The following MBD5 variants were observed in gnomAD, a reference collection of about 807,000 sequenced individuals.
MBD5 encodes the protein methyl-CpG-binding domain protein 5.
MBD5 carries 13 observed loss-of-function variants against 117.3 expected under a neutral mutation model. The observed-to-expected ratio is 0.11, with a 90% CI of 0.07 to 0.18. The LOEUF (loss-of-function observed/expected upper bound fraction) is 0.18, where lower values mean the gene tolerates loss of function less well. Among genes scored for constraint, MBD5 ranks in the 10% least tolerant of loss-of-function variants. The pLI, the probability that MBD5 is intolerant of heterozygous loss-of-function variation, is 1.00. For missense variants in MBD5, 1,879 were observed against 2,093.8 expected (o/e 0.90, Z 2.00); for synonymous variants, 727 against 766.4 (o/e 0.95, Z 0.85).
intron 2 of MBD5, among the ~76,000 whole-genome samples, chr2:148,222,568 G>A (rs1699716189): frequency 6.6e-6 from 1 of 151,788 alleles, no homozygotes; most frequent in Admixed American, 6.6e-5. Context: ...GTTCACTGTT[G>A]CATTTTGAAA....
At chr2:148,428,089 GA>G (rs781256849) in intron 4 of MBD5, among the ~76,000 whole-genome samples, 30 of 152,148 alleles carry the variant, frequency 2.0e-4, no homozygotes, top group Non-Finnish European at 3.8e-4. Context: ...TGTGTATTTA[GA>G]AAAGCCCATC....
chr2:148,345,394 T>A (rs1247205292), intron 4 of MBD5, among the ~76,000 whole-genome samples: 3 of 100,358 alleles, frequency 3.0e-5, no homozygotes, highest in African/African-American at 8.2e-5. Context: ...CATATACATA[T>A]ACATATATAC....
chr2:148,389,539 A>G (rs1704501992), intron 4 of MBD5, among the ~76,000 whole-genome samples: 1 of 151,786 alleles, frequency 6.6e-6, no homozygotes, highest in South Asian at 2.1e-4. Context: ...AGTAATTTGC[A>G]TTACCACCAA....
intron 1 of MBD5, among the ~76,000 whole-genome samples, chr2:148,091,942 A>C (rs1409339193): frequency 6.6e-6 from 1 of 152,340 alleles, no homozygotes; most frequent in African/African-American, 2.4e-5. Context: ...TCTGGAATCT[A>C]CAAGGAACTC....
intron 2 of MBD5, among the ~76,000 whole-genome samples, chr2:148,192,959 C>T (rs1388055736): frequency 2.5e-5 from 2 of 78,794 alleles, no homozygotes; most frequent in East Asian, 8.0e-4. Flanking sequence ...TTCTTATACA[C>T]CAACAACAGA....
At chr2:148,125,168 A>T (rs555745539) in intron 1 of MBD5, among the ~76,000 whole-genome samples, 1 of 152,092 alleles carries the variant, frequency 6.6e-6, no homozygotes, top group East Asian at 1.9e-4. Flanking sequence ...CGTGAGGAAA[A>T]TAGTTGTTAT....
chr2:148,110,631 T>C (rs1009745940), intron 1 of MBD5, among the ~76,000 whole-genome samples: 8 of 152,084 alleles, frequency 5.3e-5, no homozygotes, highest in Non-Finnish European at 1.2e-4. Context: ...CATTTGGGAA[T>C]TGTTCCTGTT....
In MBD5 at chr2:148,199,845, G is replaced by A. The variant is rs1574126993; in HGVS notation, c.-831+21052G>A. On this transcript the variant is annotated intron_variant, in intron 2 of 13. Transcript: ENST00000642680. ...GCTCTCTATAACATATATCCTATGA[G>A]TGTCTCTCTACAAAAAGAAACTATC... 2.0e-5 allele frequency among the ~76,000 whole-genome samples: 3 copies of A among 151,986 alleles called. No homozygotes were observed. In the South Asian group the frequency reaches 6.2e-4, roughly 32 times the overall value.
chr2:148,402,001 A>G (rs778486350), intron 4 of MBD5, among the ~76,000 whole-genome samples: 8 of 151,988 alleles, frequency 5.3e-5, no homozygotes, highest in Admixed American at 4.6e-4. Context: ...GAAGACAAAT[A>G]CTTGGAAGTG....
At chr2:148,055,973 T>A (rs191892367) in intron 1 of MBD5, 54 of 152,288 alleles carry the variant, frequency 3.5e-4, no homozygotes, top group African/African-American at 1.3e-3. Context: ...CTATAAGAAA[T>A]CTTGTGGGGA....
At chr2:148,296,447 A>G (rs1389513598) in intron 3 of MBD5, 2 of 154,960 alleles carry the variant, frequency 1.3e-5, no homozygotes, top group African/African-American at 4.8e-5. Flanking sequence ...GTTGTCTTGT[A>G]TGCTAGAACT....
intron 4 of MBD5, among the ~76,000 whole-genome samples, chr2:148,373,605 A>G (rs569187858): frequency 3.3e-5 from 5 of 151,420 alleles, no homozygotes; most frequent in East Asian, 3.9e-4. Context: ...AATAGTACAT[A>G]TGTGGCATAA....
intron 1 of MBD5, among the ~76,000 whole-genome samples, chr2:148,102,686 G>C (rs72868772): frequency 0.048 from 4,990 of 104,764 alleles, 122 homozygotes; most frequent in Non-Finnish European, 0.055. Flanking sequence ...CACACACACA[G>C]AGAGAGAGAG....
rs565710834 is a variant in MBD5 at position 148,166,680 on chromosome 2, C to T, written c.-924-12020C>T. Among the ~76,000 whole-genome samples the T allele has an allele frequency of 6.0e-4, 92 of 152,258 alleles. 1 individual carries two copies. Among genetic ancestry groups the T allele is most frequent in the African/African-American group, 2.1e-3 (86 of 41,570 alleles). On this transcript the variant is annotated intron_variant, in intron 1 of 13. Transcript: ENST00000642680. ...ATTTTCACATGAGGGTACTTCTCCACCTCCTTGCACAGAGTTCTAACACCT... is the reference window on the plus strand; with the variant it reads ...ATTTTCACATGAGGGTACTTCTCCATCTCCTTGCACAGAGTTCTAACACCT...
chr2:148,317,878 A>C (rs1051313918), intron 3 of MBD5, among the ~76,000 whole-genome samples: 2 of 152,176 alleles, frequency 1.3e-5, no homozygotes, highest in Non-Finnish European at 2.9e-5. Flanking sequence ...ACTTAAGTTG[A>C]TTCCACATCT....
At chr2:148,313,247 C>T (rs896981401) in intron 3 of MBD5, among the ~76,000 whole-genome samples, 1 of 152,158 alleles carries the variant, frequency 6.6e-6, no homozygotes, top group Non-Finnish European at 1.5e-5. Context: ...TGAAGCTGCG[C>T]CCACAGCTGC....
intron 3 of MBD5, among the ~76,000 whole-genome samples, chr2:148,323,365 A>G (rs1702343503): frequency 6.6e-6 from 1 of 151,774 alleles, no homozygotes; most frequent in Admixed American, 6.6e-5. Context: ...ATACCCAGTA[A>G]TGGGATGGCT....
intron 1 of MBD5, chr2:148,026,411 TACAG>T (rs1693893792): frequency 6.6e-6 from 1 of 152,178 alleles, no homozygotes; most frequent in South Asian, 2.1e-4. Context: ...GGAATGTAGA[TACAG>T]ACCATTGTAC....
chr2:148,312,099 A>T (rs61587331), intron 3 of MBD5, among the ~76,000 whole-genome samples: 2 of 151,738 alleles, frequency 1.3e-5, no homozygotes, highest in African/African-American at 4.8e-5. Flanking sequence ...CTTCATTTCA[A>T]CCTTGGTGAA....
Sources: gnomAD v4.1 joint callset for allele counts (sites outside exome capture counted in the v4.1 genomes callset) on GRCh38, gnomAD v4.1.1 for gene constraint, MANE v1.5 for transcripts, NCBI Gene and HGNC (gene_info 2026-07-23, HGNC 2026-07-21) for gene names.